MUSK: variants seen among roughly 807,000 people sequenced by gnomAD.
The protein encoded by MUSK is muscle, skeletal receptor tyrosine-protein kinase.
A neutral mutation model predicts 88.7 loss-of-function variants in MUSK; 55 were observed. The ratio of observed to expected loss-of-function variants is 0.62; its 90% CI spans 0.50 to 0.78. The LOEUF (loss-of-function observed/expected upper bound fraction) is 0.78, where lower values mean the gene tolerates loss of function less well. Among genes scored for constraint, MUSK ranks in the 30% least tolerant of loss-of-function variants. The pLI, the probability that MUSK is intolerant of heterozygous loss-of-function variation, is 0.00. For missense variants in MUSK, 1,015 were observed against 1,074.3 expected, an observed-to-expected ratio of 0.94 and a Z score of 0.77; for synonymous variants, 387 against 391.9, an observed-to-expected ratio of 0.99 and a Z score of 0.15.
chr9:110,698,043 C>T lies in MUSK; in HGVS notation c.628+577C>T, dbSNP rs114948059. ...AATTCAATAACTTGGTGTGAAAGGTCTTCACTGAGAAATCAGAATCCAAAT... is the reference window on the plus strand; with the variant it reads ...AATTCAATAACTTGGTGTGAAAGGTTTTCACTGAGAAATCAGAATCCAAAT... On this transcript the variant is annotated intron_variant, in intron 5 of 14. Transcript: ENST00000374448. Among the ~76,000 whole-genome samples the T allele has an allele frequency of 9.5e-3, 1,443 of 152,198 alleles. 27 individuals are homozygous for T. The highest frequency in any genetic ancestry group is 0.033 in the African/African-American group (1,376 of 41,498).
chr9:110,774,668 A>C (rs934353687), intron 9 of MUSK, among the ~76,000 whole-genome samples: 1 of 152,190 alleles, frequency 6.6e-6, no homozygotes, highest in Non-Finnish European at 1.5e-5. Flanking sequence ...TGAAAGCCCC[A>C]TTATACTCCC....
At chr9:110,770,473 T>C (rs1421386167) in intron 9 of MUSK, among the ~76,000 whole-genome samples, 1 of 146,792 alleles carries the variant, frequency 6.8e-6, no homozygotes, top group East Asian at 1.9e-4. Context: ...ATAATTAATA[T>C]ATAATTATAA....
intron 5 of MUSK, among the ~76,000 whole-genome samples, chr9:110,703,661 A>G (rs1187863291): frequency 1.3e-5 from 2 of 152,152 alleles, no homozygotes; most frequent in Non-Finnish European, 2.9e-5. Context: ...ATTAGAGATA[A>G]AGAGATAATT....
At chr9:110,782,538 T>C (rs767404120) in intron 11 of MUSK, among the ~76,000 whole-genome samples, 1 of 152,218 alleles carries the variant, frequency 6.6e-6, no homozygotes, top group Non-Finnish European at 1.5e-5. Context: ...CCAGTGAAAT[T>C]ACACTACCAA....
chr9:110,747,612 A>G (rs1419828561), intron 6 of MUSK, 29 bp from the exon 7 acceptor site: 2 of 1,591,054 alleles, frequency 1.3e-6, no homozygotes, highest in Admixed American at 1.7e-5. Flanking sequence ...TCCTTGACTG[A>G]GTTCTTTTAT....
At position 110,761,778 on chromosome 9, in the gene MUSK, G is replaced by A. The variant is rs569034554; in HGVS notation, c.914-424G>A. The A allele has an allele frequency of 3.0e-5, 7 of 234,284 alleles. No homozygotes were observed. In the South Asian group the frequency reaches 1.1e-3, roughly 36 times the overall value. 14.5% of individuals were successfully genotyped at this position (234,284 alleles called of 1,614,324 possible). ...TTTAGTAGAGATGGGGTTTCACCGTGTTAGCCAGGATGGTCTCGATCTCCT... is the reference window on the plus strand; with the variant it reads ...TTTAGTAGAGATGGGGTTTCACCGTATTAGCCAGGATGGTCTCGATCTCCT... On this transcript the variant is annotated intron_variant, in intron 7 of 14. Transcript: ENST00000374448.
At chr9:110,683,117 C>T (rs138828834) in intron 2 of MUSK, among the ~76,000 whole-genome samples, 4 of 152,110 alleles carry the variant, frequency 2.6e-5, no homozygotes, top group African/African-American at 9.6e-5. Context: ...CCCCTACTCC[C>T]CCCGATCCCT....
chr9:110,781,369 C>T (rs980727872), intron 11 of MUSK, among the ~76,000 whole-genome samples: 14 of 152,112 alleles, frequency 9.2e-5, no homozygotes, highest in Admixed American at 1.3e-4. Context: ...CTCCGCCTCC[C>T]GGGTTCACGC....
In MUSK at chr9:110,694,394, A is replaced by C. The variant is rs576006504; in HGVS notation, c.359-1009A>C. On this transcript the variant is annotated intron_variant, in intron 3 of 14. Transcript: ENST00000374448. ...GAGCGAGACTCCGTCTCAAAAAAAA[A>C]AAAAAAAAAAAACAAAAAAACAAAA... is the stretch of plus-strand genomic sequence containing the variant. 1.4e-3 allele frequency among the ~76,000 whole-genome samples: 206 copies of C among 144,864 alleles called. 2 individuals carry two copies. Among genetic ancestry groups the C allele is most frequent in the Middle Eastern group, 0.014 (4 of 290 alleles).
chr9:110,762,178 G>T, intron 7 of MUSK, 24 bp from the exon 8 acceptor site: 1 of 1,434,706 alleles, frequency 7.0e-7, no homozygotes. Context: ...GACTTCCTGT[G>T]GGAACTTCCT....
chr9:110,703,331 G>A (rs2076555261), intron 5 of MUSK, among the ~76,000 whole-genome samples: 1 of 152,104 alleles, frequency 6.6e-6, no homozygotes, highest in Non-Finnish European at 1.5e-5. Context: ...GAGGTCAGGA[G>A]TTCAAGACCA....
chr9:110,680,359 A>C (rs1215522795), intron 1 of MUSK, among the ~76,000 whole-genome samples: 1 of 149,530 alleles, frequency 6.7e-6, no homozygotes, highest in African/African-American at 2.5e-5. Flanking sequence ...CAATGTGTCC[A>C]AGTATGAATT....
intron 6 of MUSK, among the ~76,000 whole-genome samples, chr9:110,745,260 G>C (rs1464502847): frequency 1.3e-5 from 2 of 152,168 alleles, no homozygotes; most frequent in African/African-American, 4.8e-5. Context: ...GATGTTTTCA[G>C]TGACCTTGAG....
intron 1 of MUSK, among the ~76,000 whole-genome samples, chr9:110,680,968 A>G (rs560674394): frequency 9.5e-5 from 9 of 94,344 alleles, no homozygotes; most frequent in African/African-American, 3.4e-4. Context: ...TATATATCAT[A>G]TATATGATAT....
chr9:110,785,433 C>A, intron 12 of MUSK, 94 bp from the exon 13 acceptor site: 1 of 1,095,860 alleles, frequency 9.1e-7, no homozygotes, highest in Non-Finnish European at 1.3e-6. Context: ...GTTTTCATTA[C>A]TCTTAAATGC....
intron 5 of MUSK, among the ~76,000 whole-genome samples, chr9:110,718,992 T>C (rs1311441995): frequency 6.6e-6 from 1 of 152,086 alleles, no homozygotes; most frequent in Admixed American, 6.6e-5. Context: ...CTAAGCTTCA[T>C]AAATGAAGGA....
chr9:110,765,544 C>G (rs1308558471), intron 8 of MUSK, among the ~76,000 whole-genome samples: 3 of 151,368 alleles, frequency 2.0e-5, no homozygotes, highest in Non-Finnish European at 4.4e-5. Flanking sequence ...AACATGGGAC[C>G]CTTCAGAATA....
intron 3 of MUSK, among the ~76,000 whole-genome samples, chr9:110,689,693 T>TTATATATAAATATAAATA (rs2076270918): frequency 1.0e-4 from 5 of 50,200 alleles, no homozygotes; most frequent in Non-Finnish European, 1.6e-4. Context: ...CTATATATAG[T>TTATATATAAATATAAATA]TATATATAAA....
intron 14 of MUSK, among the ~76,000 whole-genome samples, chr9:110,797,142 A>AAAAAAAAT (rs2078015031): frequency 1.9e-5 from 1 of 53,390 alleles, no homozygotes. Flanking sequence ...TAAAAAATAA[A>AAAAAAAAT]AAATAAATGC....
Sources: gnomAD v4.1 joint callset for allele counts (sites outside exome capture counted in the v4.1 genomes callset) on GRCh38, gnomAD v4.1.1 for gene constraint, MANE v1.5 for transcripts, NCBI Gene and HGNC (gene_info 2026-07-23, HGNC 2026-07-21) for gene names.